Variants in TJP2 observed in about 807,000 individuals in gnomAD.
The protein encoded by TJP2 is Friedreich ataxia region gene X104 (tight junction protein ZO-2).
Under a neutral mutation model 133.1 loss-of-function variants are expected in TJP2, and 91 were observed. The ratio of observed to expected loss-of-function variants is 0.68; its 90% CI spans 0.58 to 0.81. The LOEUF (loss-of-function observed/expected upper bound fraction) is 0.81, where lower values mean the gene tolerates loss of function less well. Ranked by LOEUF, TJP2 falls within the 40% of genes least tolerant of loss-of-function variation. TJP2 has a pLI of 0.00. For synonymous variants in TJP2, 592 were observed against 583.4 expected (o/e 1.01, Z -0.21); for missense variants, 1,541 against 1,565.6 (o/e 0.98, Z 0.26).
At chr9:69,162,603 T>C (rs1824140989) in intron 2 of TJP2, among the ~76,000 whole-genome samples, 1 of 152,262 alleles carries the variant, frequency 6.6e-6, no homozygotes, top group Non-Finnish European at 1.5e-5. Flanking sequence ...TGGAATATTA[T>C]GCAGTTAGAA....
chr9:69,213,133 G>A (rs1021050471), intron 2 of TJP2, among the ~76,000 whole-genome samples: 4 of 143,874 alleles, frequency 2.8e-5, no homozygotes, highest in African/African-American at 7.9e-5. Flanking sequence ...GTGCAATTTC[G>A]GCTCAGCGCA....
At chr9:69,209,401 TG>T (rs1398735821) in intron 1 of TJP2, among the ~76,000 whole-genome samples, 19 of 152,176 alleles carry the variant, frequency 1.2e-4, no homozygotes. Flanking sequence ...CCCAAAGTGT[TG>T]GGATTATAGG....
At chr9:69,130,033 GAAAA>G (rs1822424610) in intron 1 of TJP2, among the ~76,000 whole-genome samples, 3 of 131,230 alleles carry the variant, frequency 2.3e-5, no homozygotes, top group African/African-American at 8.3e-5. Flanking sequence ...AAAAAAAAAA[GAAAA>G]AGAAAAAAAA....
At chr9:69,181,964 T>TTCTTCC (rs1005203079) in intron 1 of TJP2, among the ~76,000 whole-genome samples, 4 of 152,182 alleles carry the variant, frequency 2.6e-5, no homozygotes, top group African/African-American at 9.7e-5. Flanking sequence ...TTGAGAATCC[T>TTCTTCC]TCTTCCTCTT....
chr9:69,225,683 G>A (rs1049086539), intron 6 of TJP2, among the ~76,000 whole-genome samples: 1 of 152,174 alleles, frequency 6.6e-6, no homozygotes, highest in African/African-American at 2.4e-5. Context: ...CTAAACTAAG[G>A]AAAGATGAGA....
At chr9:69,122,158 G>A (rs1157424115) in intron 1 of TJP2, 1 of 152,242 alleles carries the variant, frequency 6.6e-6, no homozygotes, top group Non-Finnish European at 1.5e-5. Flanking sequence ...TCACTCAAGG[G>A]ATGGAAACTG....
In TJP2 at chr9:69,155,028, G is replaced by A. The variant is rs538759526; in HGVS notation, c.-10+3257G>A. On this transcript the variant is annotated intron_variant, in intron 2 of 5. Coordinates refer to the TJP2 transcript ENST00000423935. ...AGGTCAGGAGTTCCAGACCAGCCTG[G>A]CCAACATGGTGAAACCTCATCTCTA... 1.0e-3 allele frequency among the ~76,000 whole-genome samples: 151 copies of A among 151,742 alleles called. 2 individuals are homozygous for A. Among genetic ancestry groups the A allele is most frequent in the Middle Eastern group, 3.4e-3 (1 of 294 alleles).
chr9:69,167,985 TG>T (rs1824454601), intron 2 of TJP2, among the ~76,000 whole-genome samples: 1 of 152,258 alleles, frequency 6.6e-6, no homozygotes, highest in African/African-American at 2.4e-5. Context: ...CCGCAATTAC[TG>T]TTGCACCAAC....
At chr9:69,230,319 G>T in intron 11 of TJP2, 87 bp downstream of exon 11, 3 of 1,561,558 alleles carry the variant, frequency 1.9e-6, no homozygotes, top group Non-Finnish European at 2.6e-6. Flanking sequence ...AGACAAAATG[G>T]TTCAGCTGGT....
intron 1 of TJP2, chr9:69,205,162 A>G (rs1381031367): frequency 4.6e-6 from 7 of 1,537,282 alleles, no homozygotes; most frequent in South Asian, 1.2e-5. Context: ...TCCAGAGACC[A>G]TGAAGACTGC....
chr9:69,210,568 T>C (rs1243378214), intron 1 of TJP2, among the ~76,000 whole-genome samples: 1 of 152,020 alleles, frequency 6.6e-6, no homozygotes, highest in Admixed American at 6.5e-5. Context: ...ATTTAGATAA[T>C]AATCTTTTGG....
intron 1 of TJP2, among the ~76,000 whole-genome samples, chr9:69,144,545 T>G (rs1330111518): frequency 6.6e-6 from 1 of 152,236 alleles, no homozygotes; most frequent in Non-Finnish European, 1.5e-5. Flanking sequence ...AGGAGCTATT[T>G]AAGTCAGAAC....
chr9:69,149,616 C>G (rs1823374640), intron 1 of TJP2, among the ~76,000 whole-genome samples: 1 of 152,068 alleles, frequency 6.6e-6, no homozygotes, highest in Non-Finnish European at 1.5e-5. Flanking sequence ...AAGAGTATGT[C>G]CAGAAGTGGT....
Position 69,249,502 on chromosome 9 carries a change from CCCAGGATGGGAAGG to C in TJP2, c.2991+18_2991+31del, listed in dbSNP as rs757731849. 3.3e-5 allele frequency: 52 copies of C among 1,589,592 alleles called. No individual in the cohort carries two copies. The highest frequency in any genetic ancestry group is 4.5e-5 in the Non-Finnish European group (52 of 1,166,486). On this transcript the variant is annotated intron_variant, in intron 20 of 22. Coordinates refer to ENST00000377245, the MANE Select transcript of TJP2 (RefSeq NM_004817.4). ...CCGCCCAAGGTACGTGGCTGGGAAG[CCCAGGATGGGAAGG>C]AAGAGGAAGCAGATGCCTCTGAAGC...
At chr9:69,135,169 T>A (rs564909672) in intron 1 of TJP2, among the ~76,000 whole-genome samples, 2 of 152,238 alleles carry the variant, frequency 1.3e-5, no homozygotes, top group East Asian at 1.9e-4. Context: ...AAACACTCAG[T>A]CCTTAGCAAC....
At chr9:69,154,733 T>A (rs1484405013) in intron 2 of TJP2, among the ~76,000 whole-genome samples, 1 of 151,280 alleles carries the variant, frequency 6.6e-6, no homozygotes, top group Non-Finnish European at 1.5e-5. Context: ...AAGACCAACC[T>A]GGGCAACATA....
intron 17 of TJP2, among the ~76,000 whole-genome samples, chr9:69,243,507 T>C (rs1442270561): frequency 6.6e-6 from 1 of 152,222 alleles, no homozygotes; most frequent in Non-Finnish European, 1.5e-5. Context: ...ACTACCAATT[T>C]TTAAAAATTT....
At chr9:69,180,040 T>C (rs10217168) in intron 1 of TJP2, among the ~76,000 whole-genome samples, 63,831 of 152,016 alleles carry the variant, frequency 0.42, 13,761 homozygotes, top group East Asian at 0.63. Flanking sequence ...ATATATGCAT[T>C]ATGTTCACAG....
At chr9:69,237,564 G>T (rs1269296360) in intron 14 of TJP2, among the ~76,000 whole-genome samples, 1 of 141,540 alleles carries the variant, frequency 7.1e-6, no homozygotes, top group Non-Finnish European at 1.5e-5. Context: ...AAATGGTGAG[G>T]AGCTAGGCAG....
Sources: allele counts gnomAD v4.1 joint callset (sites outside exome capture counted in the v4.1 genomes callset), GRCh38; gene constraint gnomAD v4.1.1; transcripts MANE v1.5; gene names NCBI Gene and HGNC (gene_info 2026-07-23, HGNC 2026-07-21).